Variants in TIGD7 observed in about 807,000 individuals in gnomAD.
TIGD7 encodes the protein tigger transposable element-derived protein 7.
In TIGD7, 26 loss-of-function variants were observed where a neutral mutation model predicts 24.8. The observed-to-expected ratio is 1.05, with a 90% CI of 0.77 to 1.45. TIGD7 has a LOEUF of 1.45. TIGD7 is among the 40% of genes most tolerant of loss of function. The pLI, the probability that TIGD7 is intolerant of heterozygous loss-of-function variation, is 0.00. For missense variants in TIGD7, 679 were observed against 641.6 expected (o/e 1.06, Z -0.63); for synonymous variants, 221 against 224.1 (o/e 0.99, Z 0.12).
chr16:3,301,692 T>C lies in TIGD7; in HGVS notation c.-1078A>G, dbSNP rs1959943197. Reference sequence around the variant, plus strand: ...TCCTAAATTTACACTATAAGTAACATACTTTTTATATTTGAGATTTTGATT... The same window carrying C: ...TCCTAAATTTACACTATAAGTAACACACTTTTTATATTTGAGATTTTGATT... On this transcript the variant is annotated 5_prime_UTR_variant, in exon 2 of 2. It removes an upstream start codon present in the reference 5' UTR. Coordinates refer to ENST00000396862, the MANE Select transcript of TIGD7 (RefSeq NM_033208.4). 6.0e-6 allele frequency: 1 copy of C among 166,548 alleles called. No individual in the cohort carries two copies. The highest frequency in any genetic ancestry group is 2.4e-5 in the African/African-American group (1 of 41,458). The allele number at this position is 166,548 out of a possible 1,614,324, so 10.3% of individuals were successfully genotyped here. A position where few individuals can be genotyped will look rare whatever the true frequency, so the allele number is the denominator to read the frequency against.
intron 1 of TIGD7, among the ~76,000 whole-genome samples, chr16:3,302,947 C>T (rs559407972): frequency 4.6e-4 from 69 of 150,962 alleles, no homozygotes; most frequent in Middle Eastern, 3.4e-3. Context: ...AGGCCATTCT[C>T]GTGCCTCAGC....
Position 3,301,877 on chromosome 16 carries a change from T to A in TIGD7, c.-1263A>T, listed in dbSNP as rs1469747666. The A allele has an allele frequency of 6.0e-6, 1 of 167,022 alleles. No individual in the cohort carries two copies. The highest frequency in any genetic ancestry group is 2.4e-5 in the African/African-American group (1 of 41,400). 10.3% of individuals were successfully genotyped at this position (167,022 alleles called of 1,614,324 possible). A position where few individuals can be genotyped will look rare whatever the true frequency, so the allele number is the denominator to read the frequency against. On this transcript the variant is annotated 5_prime_UTR_variant, in exon 2 of 2. Coordinates refer to ENST00000396862, the MANE Select transcript of TIGD7 (RefSeq NM_033208.4). ...TAGGCCCTCAAATACTCTTTTCGGG[T>A]CCTCCTGGTGCTCCCCAAAGCCATT...
Position 3,300,989 on chromosome 16 carries a change from GAA to G in TIGD7, c.-377_-376del, listed in dbSNP as rs560006370. 1.2e-3 allele frequency: 222 copies of G among 189,936 alleles called. 1 individual carries two copies. In the Middle Eastern group the frequency reaches 0.014, roughly 12 times the overall value. 11.8% of individuals were successfully genotyped at this position (189,936 alleles called of 1,614,324 possible). ...CTCAATACCGGAAAACGGACAATAT[GAA>G]GAGAGGAGGGATGGAGCAAGATGTG... On this transcript the variant is annotated 5_prime_UTR_variant, in exon 2 of 2. An upstream open reading frame in the 5' UTR loses its in-frame stop. Coordinates refer to ENST00000396862, the MANE Select transcript of TIGD7 (RefSeq NM_033208.4).
rs1959940238 is a variant in TIGD7, at chr16:3,301,561, A to G, written c.-947T>C. 1.2e-5 allele frequency: 2 copies of G among 167,018 alleles called. No individual in the cohort carries two copies. The highest frequency in any genetic ancestry group is 2.9e-5 in the Non-Finnish European group (2 of 68,120). The allele number at this position is 167,018 out of a possible 1,614,324, so 10.3% of individuals were successfully genotyped here. On this transcript the variant is annotated 5_prime_UTR_variant, in exon 2 of 2. Transcript: ENST00000396862. ...ACTGAAACTGTTCTCTATTTGAGAT[A>G]TTATCAAGTTTCAGAATCACAGCAA...
intron 1 of TIGD7, among the ~76,000 whole-genome samples, chr16:3,303,596 G>C (rs1275635381): frequency 6.6e-6 from 1 of 152,186 alleles, no homozygotes; most frequent in Non-Finnish European, 1.5e-5. Context: ...AAATTCAAGT[G>C]ACTTAGGCAG....
At chr16:3,302,294 A>C (rs1458294497) in intron 1 of TIGD7, among the ~76,000 whole-genome samples, 1 of 151,956 alleles carries the variant, frequency 6.6e-6, no homozygotes, top group African/African-American at 2.4e-5. Flanking sequence ...CACCCGGCTA[A>C]TTTTTGTATT....
intron 1 of TIGD7, among the ~76,000 whole-genome samples, chr16:3,303,272 T>A (rs1484090067): frequency 1.3e-5 from 2 of 152,210 alleles, no homozygotes; most frequent in Non-Finnish European, 2.9e-5. Context: ...CACCAGTGCC[T>A]CTTATTCACT....
rs1416130757 is a variant in TIGD7, at chr16:3,299,741, A to G, written c.874T>C (p.Leu292=). ...LRFHDEDVRA[L]LLLDSCPAHP... ...GCCGGGCAACTGTCCAGAAGTAACA[A>G]TGCCCTGACGTCCTCGTCATGAAAT... Residue 292 remains leucine, a synonymous_variant, in exon 2 of 2, where the codon TTG becomes CTG. Coordinates refer to ENST00000396862, the MANE Select transcript of TIGD7 (RefSeq NM_033208.4). The G allele has an allele frequency of 6.5e-7, 1 of 1,541,662 alleles. No individual in the cohort carries two copies. The highest frequency in any genetic ancestry group is 8.7e-7 in the Non-Finnish European group (1 of 1,148,870).
chr16:3,303,823 T>C (rs550909266), intron 1 of TIGD7: 9 of 152,394 alleles, frequency 5.9e-5, no homozygotes, highest in Admixed American at 3.3e-4. Context: ...CAGGATTTAC[T>C]TTTTTGTATT....
chr16:3,299,256 G>A lies in TIGD7; in HGVS notation c.1359C>T (p.Thr453=). The A allele has an allele frequency of 6.2e-7, 1 of 1,610,268 alleles. No homozygotes were observed. Among genetic ancestry groups the A allele is most frequent in the Non-Finnish European group, 8.5e-7 (1 of 1,178,738 alleles). The change falls in exon 2 of 2, where the codon ACC becomes ACT. Residue 453 remains threonine, a synonymous_variant. Transcript: ENST00000396862. ...CAACTTCCTTTGTTATTCCACCTTT[G>A]GTTTTTAGGAGACAACCCTTTTCTT... The part of the protein sequence containing the change: ...GDEEKGCLLK[T]KGGITKEVVQ...
chr16:3,304,316 C>T (rs1398589622), intron 1 of TIGD7, among the ~76,000 whole-genome samples: 2 of 152,198 alleles, frequency 1.3e-5, no homozygotes, highest in Non-Finnish European at 2.9e-5. Flanking sequence ...TACTCCTACC[C>T]TTCCCTCTGC....
At chr16:3,305,183 G>C (rs1215408626) in intron 1 of TIGD7, 29 bp downstream of exon 1, 1 of 152,186 alleles carries the variant, frequency 6.6e-6, no homozygotes, top group East Asian at 1.9e-4. Flanking sequence ...CCGAGAACGC[G>C]GCGCGCGCAG....
chr16:3,299,173 C>G lies in TIGD7; in HGVS notation c.1442G>C (p.Arg481Thr), dbSNP rs1336115538. 1 of 1,584,792 alleles carries G rather than the reference C, an allele frequency of 6.3e-7. No homozygotes were observed. The highest frequency in any genetic ancestry group is 8.6e-7 in the Non-Finnish European group (1 of 1,168,248). ...GTCAAGAAGGTAGTCCAAACTCTCT[C>G]TTACAGCAGATAATTTAAATTCAGC... ...QTAEFKLSAVRESLDYLLDFV... is the reference protein window; with the variant it reads ...QTAEFKLSAVTESLDYLLDFV... The change falls in exon 2 of 2, where the codon AGA becomes ACA. Residue 481 changes from arginine to threonine, a missense_variant. Arg to Thr is a moderately conservative substitution (Grantham distance 71). Coordinates refer to ENST00000396862, the MANE Select transcript of TIGD7 (RefSeq NM_033208.4).
chr16:3,302,539 T>C (rs1959968474), intron 1 of TIGD7, among the ~76,000 whole-genome samples: 1 of 152,156 alleles, frequency 6.6e-6, no homozygotes, highest in South Asian at 2.1e-4. Flanking sequence ...ATGGAGAAGA[T>C]TACAAGAGAA....
Position 3,299,737 on chromosome 16 carries a change from A to T in TIGD7, c.878T>A (p.Leu293Ter). 1.3e-6 allele frequency: 2 copies of T among 1,541,262 alleles called. 1 individual carries two copies. Among genetic ancestry groups the T allele is most frequent in the South Asian group, 2.6e-5 (2 of 77,208 alleles). Residue 293 changes from leucine (L) to a stop codon, truncating the protein, a stop_gained, in exon 2 of 2, where the codon TTA becomes TAA. Coordinates refer to ENST00000396862, the MANE Select transcript of TIGD7 (RefSeq NM_033208.4). LOFTEE classifies it low-confidence loss of function (END_TRUNC). The stretch of plus-strand genomic sequence containing the variant: ...ATGAGCCGGGCAACTGTCCAGAAGT[A>T]ACAATGCCCTGACGTCCTCGTCATG... ...RFHDEDVRAL[L>*]LLDSCPAHPS...
chr16:3,300,794 G>T lies in TIGD7; in HGVS notation c.-180C>A. On this transcript the variant is annotated 5_prime_UTR_variant, in exon 2 of 2. Transcript: ENST00000396862. Reference sequence around the variant, plus strand: ...ACCATGACTGAAGAGCTAGTCTAGAGGTGGAGGTCTTATGCACTCAGAAAG... The same window carrying T: ...ACCATGACTGAAGAGCTAGTCTAGATGTGGAGGTCTTATGCACTCAGAAAG... 9.0e-7 allele frequency: 1 copy of T among 1,107,466 alleles called. No homozygotes were observed. Among genetic ancestry groups the T allele is most frequent in the Non-Finnish European group, 1.2e-6 (1 of 812,318 alleles). The allele number at this position is 1,107,466 out of a possible 1,614,324, so 68.6% of individuals were successfully genotyped here. A position where few individuals can be genotyped will look rare whatever the true frequency, so the allele number is the denominator to read the frequency against.
At position 3,300,093 on chromosome 16, in the gene TIGD7, T is replaced by C. The variant is rs1403738066; in HGVS notation, c.522A>G (p.Leu174=). The change falls in exon 2 of 2, where the codon CTA becomes CTG. Residue 174 remains leucine (L), a synonymous_variant. Transcript: ENST00000396862. ...AGAGGTCTGTTTCATCCCCACTGTA[T>C]AGCTGAGCTAGACACAGTTTCTCCT... ...IKEEKLCLAQ[L]YSGDETDLFW... 1 of 1,614,226 alleles carries C rather than the reference T, an allele frequency of 6.2e-7. No homozygotes were observed. Among genetic ancestry groups the C allele is most frequent in the Non-Finnish European group, 8.5e-7 (1 of 1,180,036 alleles).
Position 3,298,987 on chromosome 16 carries a change from G to GT in TIGD7, c.1627_1628insA (p.Ser543TyrfsTer6). ...AATCTAATGATTAGAACCAGAAGTT[G>GT]AAGGCCCACTGAAGGAGTCCTTAAT... On this transcript the variant is annotated frameshift_variant, in exon 2 of 2. Coordinates refer to ENST00000396862, the MANE Select transcript of TIGD7 (RefSeq NM_033208.4). LOFTEE classifies it high-confidence loss of function. The GT allele has an allele frequency of 7.8e-7, 1 of 1,289,654 alleles. No homozygotes were observed. Among genetic ancestry groups the GT allele is most frequent in the Admixed American group, 3.0e-5 (1 of 33,234 alleles). 79.9% of individuals were successfully genotyped at this position (1,289,654 alleles called of 1,614,324 possible).
At chr16:3,303,057 C>T (rs561016962) in intron 1 of TIGD7, among the ~76,000 whole-genome samples, 11 of 152,166 alleles carry the variant, frequency 7.2e-5, no homozygotes, top group Middle Eastern at 3.4e-3. Flanking sequence ...AGGCTGGTCT[C>T]GAACTCCTGA....
Sources: gnomAD v4.1 joint callset for allele counts (sites outside exome capture counted in the v4.1 genomes callset) on GRCh38, gnomAD v4.1.1 for gene constraint, MANE v1.5 for transcripts, NCBI Gene and HGNC (gene_info 2026-07-23, HGNC 2026-07-21) for gene names.